Variants in NKAIN2 observed in about 807,000 individuals in gnomAD.
NKAIN2 encodes sodium/potassium-transporting ATPase subunit beta-1-interacting protein 2.
A neutral mutation model predicts 32.6 loss-of-function variants in NKAIN2; 14 were observed. The observed-to-expected ratio is 0.43, with a 90% CI of 0.28 to 0.67. NKAIN2 has a LOEUF of 0.67. NKAIN2 is among the 30% of genes least tolerant of loss of function. NKAIN2 has a pLI of 0.17. For missense variants in NKAIN2, 198 were observed against 258.3 expected, an observed-to-expected ratio of 0.77 and a Z score of 1.60; for synonymous variants, 80 against 87.2, an observed-to-expected ratio of 0.92 and a Z score of 0.46.
At chr6:123,916,629 G>A (rs1399976558) in intron 1 of NKAIN2, among the ~76,000 whole-genome samples, 1 of 152,042 alleles carries the variant, frequency 6.6e-6, no homozygotes, top group Non-Finnish European at 1.5e-5. Flanking sequence ...TGAAAGAAAA[G>A]GTGGATATGA....
chr6:124,384,901 G>A (rs1450605065), intron 3 of NKAIN2, among the ~76,000 whole-genome samples: 3 of 152,106 alleles, frequency 2.0e-5, no homozygotes, highest in African/African-American at 7.2e-5. Context: ...GGGATTAAAG[G>A]CTTGAGCCAC....
At chr6:124,028,112 T>G (rs1781202624) in intron 1 of NKAIN2, among the ~76,000 whole-genome samples, 1 of 152,168 alleles carries the variant, frequency 6.6e-6, no homozygotes, top group Non-Finnish European at 1.5e-5. Flanking sequence ...GGATGCCATT[T>G]CATTTTTTCT....
chr6:124,165,061 A>G (rs1788466095), intron 1 of NKAIN2, among the ~76,000 whole-genome samples: 1 of 152,122 alleles, frequency 6.6e-6, no homozygotes, highest in Admixed American at 6.6e-5. Context: ...TGTAAAATGA[A>G]GATTACTTTA....
chr6:124,184,194 C>G (rs933626697), intron 1 of NKAIN2, among the ~76,000 whole-genome samples: 1 of 152,082 alleles, frequency 6.6e-6, no homozygotes, highest in African/African-American at 2.4e-5. Flanking sequence ...ACATTCTGGT[C>G]TCGAAATGTT....
Position 124,011,399 on chromosome 6 carries a change from CT to C in NKAIN2, c.54+207158del, listed in dbSNP as rs78219806. 4.9e-3 allele frequency among the ~76,000 whole-genome samples: 698 copies of C among 141,092 alleles called. 1 individual carries two copies. Among genetic ancestry groups the C allele is most frequent in the East Asian group, 7.3e-3 (36 of 4,932 alleles). 92.6% of individuals were successfully genotyped at this position (141,092 alleles called of 152,430 possible). ...TATTCCCAAGTCAGCAATTCCTGTT[CT>C]TTTTTTTTTTTTAGCCTGAGACGCA... On this transcript the variant is annotated intron_variant, in intron 1 of 6. Transcript: ENST00000368417.
At chr6:124,045,377 C>A (rs1782069389) in intron 1 of NKAIN2, among the ~76,000 whole-genome samples, 1 of 151,776 alleles carries the variant, frequency 6.6e-6, no homozygotes, top group East Asian at 1.9e-4. Flanking sequence ...TGTCCTCTTG[C>A]CATGGAAAAA....
chr6:124,355,054 A>G, intron 2 of NKAIN2, among the ~76,000 whole-genome samples: 1 of 147,644 alleles, frequency 6.8e-6, no homozygotes, highest in South Asian at 2.2e-4. Flanking sequence ...TGGGCAACAG[A>G]GTGCGACTTT....
chr6:124,790,466 T>C (rs376320471), intron 4 of NKAIN2, among the ~76,000 whole-genome samples: 2 of 152,088 alleles, frequency 1.3e-5, no homozygotes, highest in Admixed American at 6.6e-5. Flanking sequence ...TGAAATGTCA[T>C]TGTGAATAAT....
At chr6:124,037,423 A>G (rs1439784468) in intron 1 of NKAIN2, among the ~76,000 whole-genome samples, 3 of 152,120 alleles carry the variant, frequency 2.0e-5, no homozygotes, top group Non-Finnish European at 4.4e-5. Context: ...AGCACCAGTG[A>G]AACTTATTTT....
chr6:124,414,977 A>G lies in NKAIN2; in HGVS notation c.273+59630A>G, dbSNP rs529988241. ...AATCATCTTGAGGTTTTGAGTGAAAAAAAAAACTCAAATTGCTTTTTCTAT... is the reference window on the plus strand; with the variant it reads ...AATCATCTTGAGGTTTTGAGTGAAAGAAAAAACTCAAATTGCTTTTTCTAT... On this transcript the variant is annotated intron_variant, in intron 3 of 6. Transcript: ENST00000368417. 2.6e-5 allele frequency among the ~76,000 whole-genome samples: 4 copies of G among 152,108 alleles called. No homozygotes were observed. In the East Asian group the frequency reaches 5.8e-4, roughly 22 times the overall value.
At chr6:124,629,245 G>A (rs1045961493) in intron 3 of NKAIN2, among the ~76,000 whole-genome samples, 3 of 152,236 alleles carry the variant, frequency 2.0e-5, no homozygotes, top group Admixed American at 6.5e-5. Flanking sequence ...TCCTGCAGAG[G>A]TGAGGGGATT....
chr6:124,753,721 T>C (rs1310749175), intron 4 of NKAIN2, among the ~76,000 whole-genome samples: 1 of 151,724 alleles, frequency 6.6e-6, no homozygotes, highest in Non-Finnish European at 1.5e-5. Flanking sequence ...GAATGAGGAG[T>C]CTCTGAAGAG....
intron 3 of NKAIN2, among the ~76,000 whole-genome samples, chr6:124,486,106 TAAAG>T (rs1303561277): frequency 2.0e-5 from 3 of 152,184 alleles, no homozygotes; most frequent in Admixed American, 6.5e-5. Context: ...TCATTTGTTA[TAAAG>T]AATATAAACT....
At chr6:124,006,808 T>C (rs1270053782) in intron 1 of NKAIN2, among the ~76,000 whole-genome samples, 1 of 152,152 alleles carries the variant, frequency 6.6e-6, no homozygotes, top group Non-Finnish European at 1.5e-5. Flanking sequence ...CAACTCTGGC[T>C]CCCTGAAAGA....
At chr6:124,752,156 A>G (rs1287985248) in intron 4 of NKAIN2, among the ~76,000 whole-genome samples, 1 of 151,984 alleles carries the variant, frequency 6.6e-6, no homozygotes, top group Non-Finnish European at 1.5e-5. Flanking sequence ...ACCCCACATC[A>G]TGGCCCGTGC....
chr6:124,312,788 C>G (rs1309785156), intron 2 of NKAIN2, among the ~76,000 whole-genome samples: 1 of 152,174 alleles, frequency 6.6e-6, no homozygotes, highest in Non-Finnish European at 1.5e-5. Context: ...GGAAACCCAG[C>G]AAGGCCTGTG....
intron 1 of NKAIN2, among the ~76,000 whole-genome samples, chr6:124,043,020 T>C (rs1183796122): frequency 6.6e-6 from 1 of 152,052 alleles, no homozygotes; most frequent in Non-Finnish European, 1.5e-5. Context: ...TAAACAATAT[T>C]TTAATAGAAA....
chr6:124,691,530 G>A (rs994629174), intron 4 of NKAIN2, among the ~76,000 whole-genome samples: 2 of 151,836 alleles, frequency 1.3e-5, no homozygotes, highest in Non-Finnish European at 2.9e-5. Flanking sequence ...ACCGCCCCCC[G>A]CCCCACGTGT....
Position 124,481,384 on chromosome 6 carries a change from A to T in NKAIN2, c.273+126037A>T, listed in dbSNP as rs1003605118. ...CAAAATCTCTCCCAGGTCTAAAATT[A>T]TTTTATTCCATAAACACAGATATTA... On this transcript the variant is annotated intron_variant, in intron 3 of 6. Coordinates refer to ENST00000368417, the MANE Select transcript of NKAIN2 (RefSeq NM_001040214.3). Among the ~76,000 whole-genome samples the T allele has an allele frequency of 2.0e-5, 3 of 152,012 alleles. 1 individual carries two copies. Among genetic ancestry groups the T allele is most frequent in the African/African-American group, 7.2e-5 (3 of 41,432 alleles).
Sources: gnomAD v4.1 joint callset for allele counts (sites outside exome capture counted in the v4.1 genomes callset) on GRCh38, gnomAD v4.1.1 for gene constraint, MANE v1.5 for transcripts, NCBI Gene and HGNC (gene_info 2026-07-23, HGNC 2026-07-21) for gene names.